Variants in SNX19 observed in about 807,000 individuals in gnomAD.
SNX19 encodes the protein sorting nexin 19.
In SNX19, 60 loss-of-function variants were observed where a neutral mutation model predicts 85.2. The ratio of observed to expected loss-of-function variants is 0.70; its 90% CI spans 0.57 to 0.87. The LOEUF (loss-of-function observed/expected upper bound fraction) is 0.87. Ranked by LOEUF, SNX19 falls within the 40% of genes least tolerant of loss-of-function variation. The pLI, the probability that SNX19 is intolerant of heterozygous loss-of-function variation, is 0.00. For missense variants in SNX19, 1,201 were observed against 1,217.8 expected, an observed-to-expected ratio of 0.99 and a Z score of 0.21; for synonymous variants, 520 against 470.0, an observed-to-expected ratio of 1.11 and a Z score of -1.38.
At chr11:130,884,832 A>G (rs998531772) in intron 8 of SNX19, among the ~76,000 whole-genome samples, 65 of 147,886 alleles carry the variant, frequency 4.4e-4, no homozygotes, top group Non-Finnish European at 1.9e-4. Flanking sequence ...AGATCACGCC[A>G]CTGTACTCCA....
rs1942859567 is a variant in SNX19, at chr11:130,868,289, C to G, written c.*10133G>C. On this transcript the variant is annotated 3_prime_UTR_variant, in exon 11 of 11. Transcript: ENST00000265909. Reference sequence around the variant, plus strand: ...TCCCACTTTAGCTCAGCATTATACACACAAAACGGGTGGGTGCGGAGCCCT... The same window carrying G: ...TCCCACTTTAGCTCAGCATTATACAGACAAAACGGGTGGGTGCGGAGCCCT... 6.6e-6 allele frequency: 1 copy of G among 152,162 alleles called. No homozygotes were observed. The highest frequency in any genetic ancestry group is 6.5e-5 in the Admixed American group (1 of 15,282). The allele number at this position is 152,162 out of a possible 1,614,324, so 9.4% of individuals were successfully genotyped here. A position where few individuals can be genotyped will look rare whatever the true frequency, so the allele number is the denominator to read the frequency against.
intron 7 of SNX19, among the ~76,000 whole-genome samples, chr11:130,903,891 G>A (rs988865627): frequency 5.9e-5 from 9 of 151,794 alleles, no homozygotes; most frequent in African/African-American, 4.8e-5. Flanking sequence ...CATTCCACTC[G>A]CCCCCACAAA....
chr11:130,883,014 C>A (rs918958122), intron 8 of SNX19, among the ~76,000 whole-genome samples: 6 of 152,124 alleles, frequency 3.9e-5, no homozygotes, highest in Admixed American at 2.0e-4. Flanking sequence ...TTTGAATGAA[C>A]ATTAATTTAT....
chr11:130,897,321 T>C (rs1304747487), intron 8 of SNX19, among the ~76,000 whole-genome samples: 1 of 151,902 alleles, frequency 6.6e-6, no homozygotes, highest in Non-Finnish European at 1.5e-5. Flanking sequence ...TGCCAAGCCA[T>C]TCCATTCCCA....
At chr11:130,885,371 A>G (rs1943984849) in intron 8 of SNX19, among the ~76,000 whole-genome samples, 1 of 152,226 alleles carries the variant, frequency 6.6e-6, no homozygotes, top group East Asian at 1.9e-4. Flanking sequence ...AGCAATGACT[A>G]AAAAGGAGAC....
chr11:130,873,765 C>T lies in SNX19; in HGVS notation c.*4657G>A, dbSNP rs1201367593. Among the ~76,000 whole-genome samples, 1 of 152,120 alleles carries T rather than the reference C, an allele frequency of 6.6e-6. No individual in the cohort carries two copies. Among genetic ancestry groups the T allele is most frequent in the African/African-American group, 2.4e-5 (1 of 41,442 alleles). On this transcript the variant is annotated 3_prime_UTR_variant, in exon 11 of 11. Transcript: ENST00000265909. ...AGAAGATGTTAACTATTAGCTGGTA[C>T]CAGGCATTTTGGGAGTAGATAGGGG...
In SNX19 at chr11:130,866,374, A is replaced by G. The variant is rs1942762997; in HGVS notation, c.*12048T>C. On this transcript the variant is annotated 3_prime_UTR_variant, in exon 11 of 11. Coordinates refer to ENST00000265909, the MANE Select transcript of SNX19 (RefSeq NM_014758.3). ...GTATGAAAAACATTTGTATTCAGAG[A>G]ATTCTAAGACAAATGGTCAAATATT... The G allele has an allele frequency of 6.6e-6, 1 of 152,236 alleles. No homozygotes were observed. Among genetic ancestry groups the G allele is most frequent in the Non-Finnish European group, 1.5e-5 (1 of 68,044 alleles). 9.4% of individuals were successfully genotyped at this position (152,236 alleles called of 1,614,324 possible). A position where few individuals can be genotyped will look rare whatever the true frequency, so the allele number is the denominator to read the frequency against.
chr11:130,898,713 T>C (rs1171700607), intron 8 of SNX19, among the ~76,000 whole-genome samples: 1 of 152,178 alleles, frequency 6.6e-6, no homozygotes, highest in African/African-American at 2.4e-5. Context: ...CATGCAGCAA[T>C]GCATACACCA....
chr11:130,912,708 G>C (rs1402682620), intron 1 of SNX19, among the ~76,000 whole-genome samples: 2 of 152,264 alleles, frequency 1.3e-5, no homozygotes, highest in East Asian at 3.9e-4. Flanking sequence ...GAGCAAAGCA[G>C]TCCCTCAGAA....
intron 8 of SNX19, among the ~76,000 whole-genome samples, chr11:130,883,119 G>A (rs1374569037): frequency 6.6e-6 from 1 of 152,170 alleles, no homozygotes; most frequent in Non-Finnish European, 1.5e-5. Context: ...TGTGTGGGAT[G>A]CAAAATGAAT....
At chr11:130,894,039 C>T (rs1012221182) in intron 8 of SNX19, among the ~76,000 whole-genome samples, 15 of 152,030 alleles carry the variant, frequency 9.9e-5, no homozygotes, top group African/African-American at 2.4e-4. Flanking sequence ...CATCCATGGC[C>T]GAAAGCAATA....
At position 130,907,973 on chromosome 11, in the gene SNX19, T is replaced by C. The variant is rs1479059629; in HGVS notation, c.2145A>G (p.Thr715=). The part of the protein sequence containing the change: ...SEAETESKPQ[T]EGKKASKSRL... ...CTCACTTGCTAGCCTTCTTGCCTTC[T>C]GTCTGGGGCTTGCTTTCGGTCTCGG... The change falls in exon 5 of 11, where the codon ACA becomes ACG. Residue 715 remains threonine, a synonymous_variant. Coordinates refer to ENST00000265909, the MANE Select transcript of SNX19 (RefSeq NM_014758.3). The C allele has an allele frequency of 9.9e-6, 16 of 1,614,120 alleles. No individual in the cohort carries two copies. The highest frequency in any genetic ancestry group is 1.4e-5 in the Non-Finnish European group (16 of 1,180,032).
rs1356093490 is a variant in SNX19, at chr11:130,880,609, T to C, written c.2758+13A>G. On this transcript the variant is annotated intron_variant, in intron 9 of 10. Coordinates refer to ENST00000265909, the MANE Select transcript of SNX19 (RefSeq NM_014758.3). Reference sequence around the variant, plus strand: ...AATGTGATTGGTATAATTGATCTCATTGGTCCAATTACCTGGGAGGACTCC... The same window carrying C: ...AATGTGATTGGTATAATTGATCTCACTGGTCCAATTACCTGGGAGGACTCC... 5 of 1,572,484 alleles carry C rather than the reference T, an allele frequency of 3.2e-6. No individual in the cohort carries two copies. Among genetic ancestry groups the C allele is most frequent in the African/African-American group, 2.7e-5 (2 of 74,314 alleles).
chr11:130,905,240 T>A (rs1042954827), intron 7 of SNX19, among the ~76,000 whole-genome samples: 1 of 152,204 alleles, frequency 6.6e-6, no homozygotes, highest in Non-Finnish European at 1.5e-5. Context: ...CTCCAATGCA[T>A]ATAAGGAGAA....
chr11:130,888,506 C>T (rs1944249083), intron 8 of SNX19, among the ~76,000 whole-genome samples: 2 of 152,168 alleles, frequency 1.3e-5, no homozygotes, highest in South Asian at 2.1e-4. Flanking sequence ...TTGTTGGAAT[C>T]CATACACAAT....
At chr11:130,885,573 T>C (rs1000951688) in intron 8 of SNX19, among the ~76,000 whole-genome samples, 5 of 152,200 alleles carry the variant, frequency 3.3e-5, no homozygotes, top group African/African-American at 4.8e-5. Flanking sequence ...TGAATCAGTA[T>C]GGCTTAATGA....
intron 1 of SNX19, among the ~76,000 whole-genome samples, chr11:130,912,820 G>T (rs1484831748): frequency 6.6e-6 from 1 of 152,162 alleles, no homozygotes; most frequent in African/African-American, 2.4e-5. Context: ...TGTGGAATAT[G>T]CTGCTCCTCG....
chr11:130,867,374 A>T lies in SNX19; in HGVS notation c.*11048T>A, dbSNP rs1326506186. 2 of 152,238 alleles carry T rather than the reference A, an allele frequency of 1.3e-5. No individual in the cohort carries two copies. Among genetic ancestry groups the T allele is most frequent in the Non-Finnish European group, 2.9e-5 (2 of 68,046 alleles). The allele number at this position is 152,238 out of a possible 1,614,324, so 9.4% of individuals were successfully genotyped here. On this transcript the variant is annotated 3_prime_UTR_variant, in exon 11 of 11. Coordinates refer to ENST00000265909, the MANE Select transcript of SNX19 (RefSeq NM_014758.3). ...TGATGGGAAACGCTCTGGGACATGA[A>T]CATAAAAGTGCAACCTAGATGATCA... is the stretch of plus-strand genomic sequence containing the variant.
intron 8 of SNX19, among the ~76,000 whole-genome samples, chr11:130,885,725 T>C (rs925834583): frequency 1.5e-4 from 23 of 152,210 alleles, no homozygotes; most frequent in Admixed American, 1.5e-3. Flanking sequence ...TATTTATCTA[T>C]TGGCTGTACC....
Sources: gnomAD v4.1 joint callset for allele counts (sites outside exome capture counted in the v4.1 genomes callset) on GRCh38, gnomAD v4.1.1 for gene constraint, MANE v1.5 for transcripts, NCBI Gene and HGNC (gene_info 2026-07-23, HGNC 2026-07-21) for gene names.